The following ZC2HC1A variants were observed in gnomAD, a reference collection of about 807,000 sequenced individuals.
ZC2HC1A encodes the protein zinc finger C2HC-type containing 1A, also known as zinc finger C2HC domain-containing protein 1A.
Under a neutral mutation model 40.7 loss-of-function variants are expected in ZC2HC1A, and 28 were observed. The ratio of observed to expected loss-of-function variants is 0.69; its 90% CI spans 0.51 to 0.94. ZC2HC1A has a LOEUF of 0.94. ZC2HC1A is among the 40% of genes least tolerant of loss of function. The pLI, the probability that ZC2HC1A is intolerant of heterozygous loss-of-function variation, is 0.00. For missense variants in ZC2HC1A, 389 were observed against 386.3 expected (o/e 1.01, Z -0.06); for synonymous variants, 129 against 129.2 (o/e 1.00, Z 0.01).
At chr8:78,673,580 GT>G (rs1809494730) in intron 1 of ZC2HC1A, among the ~76,000 whole-genome samples, 1 of 152,098 alleles carries the variant, frequency 6.6e-6, no homozygotes, top group Admixed American at 6.6e-5. Context: ...AACATCTGTT[GT>G]TTCCTGACTT....
Position 78,706,900 on chromosome 8 carries a change from A to G in ZC2HC1A, c.705-8321A>G, listed in dbSNP as rs141433837. Among the ~76,000 whole-genome samples, 871 of 152,280 alleles carry G rather than the reference A, an allele frequency of 5.7e-3. 8 individuals carry two copies. The highest frequency in any genetic ancestry group is 0.02 in the African/African-American group (816 of 41,554). ...AAAAGGAAAAAAAAATCAACCAACA[A>G]TATCTTTTGAGTTAAGTGATTTTTC... On this transcript the variant is annotated intron_variant, in intron 7 of 8. Coordinates refer to ENST00000263849, the MANE Select transcript of ZC2HC1A (RefSeq NM_016010.3).
intron 1 of ZC2HC1A, among the ~76,000 whole-genome samples, chr8:78,673,086 C>T (rs973505971): frequency 1.3e-5 from 2 of 151,972 alleles, no homozygotes; most frequent in African/African-American, 4.8e-5. Flanking sequence ...CCCTGACAGG[C>T]CCTGGAGTGT....
intron 4 of ZC2HC1A, among the ~76,000 whole-genome samples, chr8:78,688,107 A>G (rs1810086919): frequency 6.6e-6 from 1 of 151,494 alleles, no homozygotes; most frequent in Non-Finnish European, 1.5e-5. Flanking sequence ...GTTCTAGAGT[A>G]TTAATAATTA....
At chr8:78,683,211 A>T (rs1171796776) in intron 3 of ZC2HC1A, among the ~76,000 whole-genome samples, 1 of 152,172 alleles carries the variant, frequency 6.6e-6, no homozygotes, top group African/African-American at 2.4e-5. Context: ...TCACAGCTCC[A>T]CTAGGCATGC....
chr8:78,694,064 A>G (rs1181380938), intron 5 of ZC2HC1A, among the ~76,000 whole-genome samples: 1 of 152,046 alleles, frequency 6.6e-6, no homozygotes, highest in Non-Finnish European at 1.5e-5. Context: ...ATTATTTCTG[A>G]GTGCTCAGTT....
chr8:78,712,573 A>C (rs1208498744), intron 7 of ZC2HC1A, among the ~76,000 whole-genome samples: 1 of 152,202 alleles, frequency 6.6e-6, no homozygotes. Context: ...AAGGGTCCTT[A>C]GTCTTTTTGT....
Position 78,666,272 on chromosome 8 carries a change from C to T in ZC2HC1A, c.16+108C>T, listed in dbSNP as rs538397307. The T allele has an allele frequency of 1.1e-3, 1,632 of 1,501,074 alleles. 3 individuals carry two copies. Among genetic ancestry groups the T allele is most frequent in the South Asian group, 1.5e-3 (125 of 82,204 alleles). 93.0% of individuals were successfully genotyped at this position (1,501,074 alleles called of 1,614,324 possible). A position where few individuals can be genotyped will look rare whatever the true frequency, so the allele number is the denominator to read the frequency against. ...CGAGGGCTGGTTCGGTGCGGCGGAC[C>T]TCGCCGCGTCCCGCCGCGCCTCCGG... On this transcript the variant is annotated intron_variant, in intron 1 of 8. Transcript: ENST00000263849.
In ZC2HC1A at chr8:78,666,217, T is replaced by C. The variant is rs963204485; in HGVS notation, c.16+53T>C. ...ACGGCTAGAGCGGGCCCGAAACAGC[T>C]GGGGACCCTGGACACCAGTAGCAGG... On this transcript the variant is annotated intron_variant, in intron 1 of 8. Coordinates refer to ENST00000263849, the MANE Select transcript of ZC2HC1A (RefSeq NM_016010.3). The C allele has an allele frequency of 4.9e-5, 77 of 1,557,736 alleles. 1 individual carries two copies. Among genetic ancestry groups the C allele is most frequent in the Admixed American group, 1.9e-4 (10 of 51,474 alleles).
chr8:78,671,113 C>A (rs1809426959), intron 1 of ZC2HC1A, among the ~76,000 whole-genome samples: 1 of 152,156 alleles, frequency 6.6e-6, no homozygotes, highest in African/African-American at 2.4e-5. Context: ...TCCAAGATTT[C>A]TTTGAAAATG....
At chr8:78,693,181 G>T (rs189747073) in intron 5 of ZC2HC1A, among the ~76,000 whole-genome samples, 1 of 152,144 alleles carries the variant, frequency 6.6e-6, no homozygotes, top group African/African-American at 2.4e-5. Context: ...GAATAGTGCC[G>T]CAATAAACAT....
At chr8:78,674,693 A>G (rs1487635658) in intron 1 of ZC2HC1A, among the ~76,000 whole-genome samples, 2 of 152,174 alleles carry the variant, frequency 1.3e-5, no homozygotes, top group African/African-American at 2.4e-5. Context: ...GGAGTAAGAA[A>G]TGAGAAAACA....
chr8:78,696,136 G>A (rs779905002), intron 5 of ZC2HC1A, among the ~76,000 whole-genome samples: 13 of 151,800 alleles, frequency 8.6e-5, no homozygotes, highest in South Asian at 2.1e-4. Context: ...CTGGGTTCAC[G>A]CCATTCTCCT....
At chr8:78,674,222 A>T (rs879313129) in intron 1 of ZC2HC1A, among the ~76,000 whole-genome samples, 1 of 152,072 alleles carries the variant, frequency 6.6e-6, no homozygotes, top group Non-Finnish European at 1.5e-5. Flanking sequence ...TGCTGAATCC[A>T]TTTTTGTCAA....
intron 7 of ZC2HC1A, among the ~76,000 whole-genome samples, chr8:78,708,933 T>C (rs190128292): frequency 1.4e-3 from 220 of 152,276 alleles, no homozygotes; most frequent in African/African-American, 5.0e-3. Context: ...CCCAAATTGC[T>C]GGGATTACAG....
rs1291216124 is a variant in ZC2HC1A, at chr8:78,719,166, T to C, written c.*1673T>C. 6.6e-6 allele frequency: 1 copy of C among 151,806 alleles called. No homozygotes were observed. Among genetic ancestry groups the C allele is most frequent in the Non-Finnish European group, 1.5e-5 (1 of 67,678 alleles). The allele number at this position is 151,806 out of a possible 1,614,324, so 9.4% of individuals were successfully genotyped here. On this transcript the variant is annotated 3_prime_UTR_variant, in exon 9 of 9. Coordinates refer to ENST00000263849, the MANE Select transcript of ZC2HC1A (RefSeq NM_016010.3). ...ATTAGATTTCCATTTAAATCACTTC[T>C]GTTATAAATCATATAAAGAACTTTA...
At chr8:78,708,045 A>G (rs1386709341) in intron 7 of ZC2HC1A, among the ~76,000 whole-genome samples, 3 of 152,132 alleles carry the variant, frequency 2.0e-5, no homozygotes, top group African/African-American at 7.2e-5. Context: ...CTGTTAATCT[A>G]TTGGCATGTC....
chr8:78,674,311 G>A (rs1177600244), intron 1 of ZC2HC1A, among the ~76,000 whole-genome samples: 4 of 151,998 alleles, frequency 2.6e-5, no homozygotes, highest in African/African-American at 9.7e-5. Context: ...TATAATATGT[G>A]GTGCTTTTTA....
At chr8:78,710,284 T>C (rs568013910) in intron 7 of ZC2HC1A, among the ~76,000 whole-genome samples, 15 of 152,278 alleles carry the variant, frequency 9.9e-5, no homozygotes, top group African/African-American at 3.6e-4. Flanking sequence ...GAGTTTTGAA[T>C]GTACATATAT....
chr8:78,716,088 A>G (rs1021478162), intron 8 of ZC2HC1A, among the ~76,000 whole-genome samples: 3 of 148,120 alleles, frequency 2.0e-5, no homozygotes, highest in African/African-American at 7.4e-5. Flanking sequence ...TCTAGCATCT[A>G]TTTTACCTTT....
Sources: allele counts gnomAD v4.1 joint callset (sites outside exome capture counted in the v4.1 genomes callset), GRCh38; gene constraint gnomAD v4.1.1; transcripts MANE v1.5; gene names NCBI Gene and HGNC (gene_info 2026-07-23, HGNC 2026-07-21).